The following PCDHA9 variants were observed in gnomAD, a reference collection of about 807,000 sequenced individuals.
PCDHA9 encodes protocadherin alpha 9, also known as protocadherin alpha-9.
PCDHA9 carries 62 observed loss-of-function variants against 62.0 expected under a neutral mutation model. The ratio of observed to expected loss-of-function variants is 1.00; its 90% CI spans 0.81 to 1.23. The LOEUF is 1.23. PCDHA9 is among the 50% of genes most tolerant of loss of function. The pLI is 0.00. For synonymous variants in PCDHA9, 557 were observed against 567.6 expected (o/e 0.98, Z 0.27); for missense variants, 1,205 against 1,249.8 (o/e 0.96, Z 0.54).
chr5:140,995,073 CA>C (rs537697820), intron 3 of PCDHA9, among the ~76,000 whole-genome samples: 319 of 152,298 alleles, frequency 2.1e-3, no homozygotes, highest in African/African-American at 7.3e-3. Flanking sequence ...CAACCTACAG[CA>C]ATCCAAACTT....
At chr5:140,991,298 A>G (rs555776023) in intron 3 of PCDHA9, among the ~76,000 whole-genome samples, 1 of 152,288 alleles carries the variant, frequency 6.6e-6, no homozygotes, top group Non-Finnish European at 1.5e-5. Context: ...ACACATTACT[A>G]TTATCTTGTC....
At chr5:140,869,560 C>T in intron 1 of PCDHA9, 1 of 1,614,158 alleles carries the variant, frequency 6.2e-7, no homozygotes, top group Non-Finnish European at 8.5e-7. Context: ...CTCGCGTTTT[C>T]CACTAGAGGG....
intron 1 of PCDHA9, among the ~76,000 whole-genome samples, chr5:140,931,914 A>C (rs1374173998): frequency 1.3e-5 from 2 of 151,960 alleles, no homozygotes; most frequent in Admixed American, 1.3e-4. Context: ...AAAGCATGAC[A>C]TTTAACAATG....
chr5:140,968,694 G>A, intron 1 of PCDHA9: 1 of 1,614,092 alleles, frequency 6.2e-7, no homozygotes, highest in Non-Finnish European at 8.5e-7. Flanking sequence ...GGAGAAATTA[G>A]GACTACCAGG....
chr5:140,928,657 G>A (rs781811102), intron 1 of PCDHA9: 11 of 1,614,102 alleles, frequency 6.8e-6, no homozygotes, highest in Non-Finnish European at 9.3e-6. Context: ...AGAGGATGCT[G>A]ACAGTGGTTC....
rs1031755500 is a variant in PCDHA9 at position 140,856,096 on chromosome 5, G to T, written c.2394+5207G>T. ...TGGGGGTCCAGTGTCTGCTGCTCTC[G>T]CTTCTTCTCCTCGCAGCCTGGGAGG... On this transcript the variant is annotated intron_variant, in intron 1 of 3. Transcript: ENST00000532602. 7 of 1,597,458 alleles carry T rather than the reference G, an allele frequency of 4.4e-6. 1 individual carries two copies. The highest frequency in any genetic ancestry group is 6.0e-6 in the Non-Finnish European group (7 of 1,167,222).
chr5:140,985,394 A>C (rs2097150028), intron 3 of PCDHA9, among the ~76,000 whole-genome samples: 1 of 152,084 alleles, frequency 6.6e-6, no homozygotes, highest in South Asian at 2.1e-4. Context: ...AGTCACCCCA[A>C]CTGTTCCCCT....
In PCDHA9 at chr5:140,848,538, C is replaced by G; in HGVS notation, c.43C>G (p.Leu15Val). 1 of 1,595,318 alleles carries G rather than the reference C, an allele frequency of 6.3e-7. No individual in the cohort carries two copies. The change falls in exon 1 of 4, where the codon CTG (leucine) becomes GTG (valine). Residue 15 changes from leucine to valine, a missense_variant. Physicochemically the swap from Leu to Val is conservative, Grantham distance 32. Transcript: ENST00000532602. ...AGGAGATCCAGAGGGTCAGCCTCTA[C>G]TGCTCTCGCTTCTGATCCTCGCAAT... ...SRGDPEGQPL[L>V]LSLLILAMWV...
intron 1 of PCDHA9, chr5:140,857,788 GCTGCGGTCGGTGGTTGCGGGT>G: frequency 6.3e-7 from 1 of 1,597,732 alleles, no homozygotes; most frequent in South Asian, 1.1e-5. Flanking sequence ...GTGAGCTGGT[GCTGCGGTCGGTGGTTGCGGGT>G]CACGTGGTGG....
chr5:140,877,240 G>T, intron 1 of PCDHA9: 1 of 1,613,736 alleles, frequency 6.2e-7, no homozygotes, highest in Non-Finnish European at 8.5e-7. Flanking sequence ...TGCGGGCCAC[G>T]TGGTGGCGAA....
At chr5:140,912,806 T>TA (rs1378576653) in intron 1 of PCDHA9, among the ~76,000 whole-genome samples, 2 of 152,232 alleles carry the variant, frequency 1.3e-5, no homozygotes, top group African/African-American at 4.8e-5. Context: ...TGAGGGTTTT[T>TA]ATCATAAAGG....
chr5:140,900,912 A>AGAT (rs553485999), intron 1 of PCDHA9, among the ~76,000 whole-genome samples: 1 of 152,198 alleles, frequency 6.6e-6, no homozygotes, highest in Non-Finnish European at 1.5e-5. Context: ...AACTGTGGTA[A>AGAT]GATGATATCT....
At chr5:140,861,319 C>G (rs781885907) in intron 1 of PCDHA9, 29 of 220,020 alleles carry the variant, frequency 1.3e-4, no homozygotes, top group Non-Finnish European at 2.1e-4. Context: ...ACCAGTTCCA[C>G]TACACCATCC....
intron 3 of PCDHA9, among the ~76,000 whole-genome samples, chr5:141,002,660 T>C (rs1366913026): frequency 1.3e-5 from 2 of 152,170 alleles, no homozygotes; most frequent in Admixed American, 1.3e-4. Context: ...AGGGCTCTTG[T>C]CAGGACCAAA....
intron 1 of PCDHA9, chr5:140,862,603 G>A (rs2047445390): frequency 3.9e-6 from 2 of 515,596 alleles, no homozygotes; most frequent in Non-Finnish European, 7.9e-6. Context: ...CATGGTGTTC[G>A]TGAAAGGTAA....
intron 1 of PCDHA9, chr5:140,882,953 C>T: frequency 3.7e-6 from 6 of 1,614,184 alleles, no homozygotes; most frequent in East Asian, 2.2e-5. Flanking sequence ...AGTTCAGCTG[C>T]TCATCACGAT....
rs77308266 is a variant in PCDHA9 at position 140,916,313 on chromosome 5, A to C, written c.2395-62636A>C. On this transcript the variant is annotated intron_variant, in intron 1 of 3. Transcript: ENST00000532602. ...GCCAAACTGGTACCAAAGGTGCAAG[A>C]CAAAGTCCCCTTTACTTTTTCCTCT... Among the ~76,000 whole-genome samples the C allele has an allele frequency of 8.0e-3, 1,216 of 152,336 alleles. 6 individuals are homozygous for C. The highest frequency in any genetic ancestry group is 0.019 in the African/African-American group (784 of 41,584).
chr5:140,948,029 T>A (rs1372869400), intron 1 of PCDHA9, among the ~76,000 whole-genome samples: 1 of 151,594 alleles, frequency 6.6e-6, no homozygotes, highest in African/African-American at 2.4e-5. Flanking sequence ...TCTGGTTTGC[T>A]CAGAGTTTTA....
chr5:140,925,947 G>A (rs1447488918), intron 1 of PCDHA9, among the ~76,000 whole-genome samples: 1 of 152,066 alleles, frequency 6.6e-6, no homozygotes, highest in Non-Finnish European at 1.5e-5. Flanking sequence ...CTTGGAGAAG[G>A]AGAAACTGCT....
Sources: allele counts gnomAD v4.1 joint callset (sites outside exome capture counted in the v4.1 genomes callset), GRCh38; gene constraint gnomAD v4.1.1; transcripts MANE v1.5; gene names NCBI Gene and HGNC (gene_info 2026-07-23, HGNC 2026-07-21).